RMP64: variants seen among roughly 807,000 people sequenced by gnomAD.
RMP64 encodes the protein nucleolus and neural progenitor protein.
the RMP64 span, chr3:113,008,586 A>G: frequency 9.7e-6 from 6 of 619,020 alleles, no homozygotes; most frequent in Admixed American, 2.9e-5. Context: ...CCCTGTGGTT[A>G]TTATGCACTA....
At chr3:113,012,174 A>C in the RMP64 span, among the ~76,000 whole-genome samples, 2 of 152,238 alleles carry the variant, frequency 1.3e-5, no homozygotes, top group African/African-American at 4.8e-5. Context: ...ACCAGCATAC[A>C]TCAACTAAAT....
the RMP64 span, chr3:113,005,885 C>T: frequency 7.4e-6 from 12 of 1,613,618 alleles, no homozygotes; most frequent in African/African-American, 2.7e-5. Flanking sequence ...CCTTTGTCTC[C>T]GTAAAAATTT....
the RMP64 span, chr3:113,014,266 A>C: frequency 2.4e-6 from 1 of 419,734 alleles, no homozygotes; most frequent in Non-Finnish European, 4.3e-6. Context: ...GACTCCTAAG[A>C]AATTAGTATA....
chr3:113,010,911 A>G, the RMP64 span: 1 of 898,850 alleles, frequency 1.1e-6, no homozygotes, highest in Non-Finnish European at 1.7e-6. Flanking sequence ...ATACCTCTCT[A>G]ATCAATATGA....
chr3:113,014,277 T>C, the RMP64 span: 1 of 385,056 alleles, frequency 2.6e-6, no homozygotes, highest in East Asian at 5.0e-5. Flanking sequence ...AATTAGTATA[T>C]GCCACAATGA....
the RMP64 span, among the ~76,000 whole-genome samples, chr3:113,016,971 A>T: frequency 6.6e-6 from 1 of 152,238 alleles, no homozygotes; most frequent in East Asian, 1.9e-4. Context: ...AAACCAGTTT[A>T]CACCACAACT....
the RMP64 span, chr3:113,008,649 C>A: frequency 5.4e-6 from 2 of 371,440 alleles, no homozygotes; most frequent in South Asian, 7.5e-5. Context: ...GCTACGTACC[C>A]ACAAAACCTA....
At chr3:113,005,857 CAA>C in the RMP64 span, 1 of 1,613,864 alleles carries the variant, frequency 6.2e-7, no homozygotes, top group South Asian at 1.1e-5. Context: ...GAGTCGACTG[CAA>C]CTTTCTCTGT....
chr3:113,011,319 T>C, the RMP64 span: 3 of 1,613,484 alleles, frequency 1.9e-6, no homozygotes, highest in Non-Finnish European at 2.5e-6. Flanking sequence ...AGTAAGGCAT[T>C]GGTTGAATCC....
At chr3:113,013,941 C>A in the RMP64 span, 1 of 1,597,502 alleles carries the variant, frequency 6.3e-7, no homozygotes, top group South Asian at 1.1e-5. Context: ...AGCAACTGGA[C>A]CACTTACTTA....
At chr3:113,018,040 T>A in the RMP64 span, among the ~76,000 whole-genome samples, 8 of 152,274 alleles carry the variant, frequency 5.3e-5, no homozygotes, top group Admixed American at 4.6e-4. Flanking sequence ...AAATTCACAG[T>A]CTTCAAAATC....
chr3:113,005,550 A>C, the RMP64 span: 2 of 1,610,566 alleles, frequency 1.2e-6, no homozygotes, highest in African/African-American at 2.7e-5. Flanking sequence ...ACTCCCATTA[A>C]AGCAAAAATA....
At chr3:113,013,512 G>C in the RMP64 span, 1 of 1,055,142 alleles carries the variant, frequency 9.5e-7, no homozygotes, top group Non-Finnish European at 1.4e-6. Context: ...TATGACAAAG[G>C]ATTGAAACAA....
chr3:113,010,506 G>A, the RMP64 span: 1 of 662,314 alleles, frequency 1.5e-6, no homozygotes, highest in South Asian at 1.9e-5. Context: ...TCATTCAGAA[G>A]CACACACTGA....
chr3:113,018,264 A>C, the RMP64 span, among the ~76,000 whole-genome samples: 1 of 152,210 alleles, frequency 6.6e-6, no homozygotes. Flanking sequence ...ATGGAAGTAA[A>C]GGCTGGTTGC....
chr3:113,006,377 G>C, the RMP64 span, among the ~76,000 whole-genome samples: 2 of 152,180 alleles, frequency 1.3e-5, no homozygotes, highest in Non-Finnish European at 2.9e-5. Context: ...AAATCTGCCA[G>C]TACGTATTAA....
At chr3:113,011,086 A>C in the RMP64 span, 1 of 1,610,206 alleles carries the variant, frequency 6.2e-7, no homozygotes, top group South Asian at 1.1e-5. Flanking sequence ...TCCAAGATCC[A>C]CATTATTCTG....
the RMP64 span, chr3:113,011,218 G>T: frequency 6.2e-7 from 1 of 1,611,408 alleles, no homozygotes; most frequent in African/African-American, 1.3e-5. Context: ...TCCTTTAGCT[G>T]CAAAAGCTAT....
At chr3:113,003,384 A>G in the RMP64 span, 3 of 152,170 alleles carry the variant, frequency 2.0e-5, no homozygotes, top group Admixed American at 6.5e-5. Flanking sequence ...GACCCTGACA[A>G]TAGTTTCTAA....
Sources: allele counts gnomAD v4.1 joint callset (sites outside exome capture counted in the v4.1 genomes callset), GRCh38; gene constraint gnomAD v4.1.1; transcripts MANE v1.5; gene names NCBI Gene and HGNC (gene_info 2026-07-23, HGNC 2026-07-21).